Variants in DOCK10 observed in about 807,000 individuals in gnomAD.
The protein encoded by DOCK10 is dedicator of cytokinesis 10.
Under a neutral mutation model 280.1 loss-of-function variants are expected in DOCK10, and 145 were observed. The ratio of observed to expected loss-of-function variants is 0.52; its 90% CI spans 0.45 to 0.59. The LOEUF is 0.59. Ranked by LOEUF, DOCK10 falls within the 20% of genes least tolerant of loss-of-function variation. DOCK10 has a pLI of 0.00. For synonymous variants in DOCK10, 915 were observed against 942.2 expected (o/e 0.97, Z 0.53); for missense variants, 2,368 against 2,651.7 (o/e 0.89, Z 2.35).
chr2:224,785,078 C>T (rs74354988), intron 50 of DOCK10, among the ~76,000 whole-genome samples: 1,829 of 133,424 alleles, frequency 0.014, 36 homozygotes, highest in African/African-American at 0.041. Flanking sequence ...ATCCCCTTCC[C>T]GACTCATAGC....
chr2:224,961,035 G>A (rs1016791585), intron 1 of DOCK10, among the ~76,000 whole-genome samples: 1 of 152,156 alleles, frequency 6.6e-6, no homozygotes, highest in Non-Finnish European at 1.5e-5. Flanking sequence ...ACCGCGCCCG[G>A]CCCCCATCAC....
intron 1 of DOCK10, among the ~76,000 whole-genome samples, chr2:224,932,973 GA>G (rs11368078): frequency 0.022 from 3,265 of 151,014 alleles, 111 homozygotes; most frequent in African/African-American, 0.074. Flanking sequence ...TTCTACATTA[GA>G]AAAAAAAACC....
intron 1 of DOCK10, among the ~76,000 whole-genome samples, chr2:225,011,769 A>T (rs1367040625): frequency 6.6e-6 from 1 of 152,166 alleles, no homozygotes; most frequent in African/African-American, 2.4e-5. Context: ...TGCCACAGGC[A>T]TTATAAAATG....
At chr2:224,846,998 G>T (rs551969857) in intron 19 of DOCK10, among the ~76,000 whole-genome samples, 2 of 152,306 alleles carry the variant, frequency 1.3e-5, no homozygotes, top group South Asian at 2.1e-4. Flanking sequence ...GCATGGAATT[G>T]ATCTCTTTTT....
chr2:224,899,592 T>G (rs113940355), intron 3 of DOCK10, among the ~76,000 whole-genome samples: 1 of 152,126 alleles, frequency 6.6e-6, no homozygotes, highest in Non-Finnish European at 1.5e-5. Flanking sequence ...TTATATAGGC[T>G]GGTTAGCATG....
intron 53 of DOCK10, among the ~76,000 whole-genome samples, chr2:224,772,572 A>G (rs1298180583): frequency 1.3e-5 from 2 of 152,020 alleles, no homozygotes; most frequent in Non-Finnish European, 1.5e-5. Context: ...CTCTCCTTGC[A>G]TCTTCAGGTC....
intron 27 of DOCK10, among the ~76,000 whole-genome samples, chr2:224,828,508 C>T (rs984965527): frequency 2.0e-5 from 3 of 152,118 alleles, no homozygotes; most frequent in African/African-American, 7.2e-5. Flanking sequence ...CTGGAAGATC[C>T]ACCAGTGTAT....
chr2:224,849,165 G>A (rs577134567), intron 19 of DOCK10, among the ~76,000 whole-genome samples: 4 of 152,002 alleles, frequency 2.6e-5, no homozygotes, highest in Non-Finnish European at 5.9e-5. Context: ...TAGTAGAGAC[G>A]GGGTTTCACC....
chr2:224,874,375 T>C, intron 9 of DOCK10, 26 bp from the exon 10 acceptor site: 1 of 1,567,502 alleles, frequency 6.4e-7, no homozygotes, highest in African/African-American at 1.3e-5. Flanking sequence ...TGTTAGTCCT[T>C]GGTATCTAAA....
chr2:224,765,784 T>G lies in DOCK10; in HGVS notation c.6498A>C (p.Arg2166=). The G allele has an allele frequency of 6.2e-7, 1 of 1,613,900 alleles. No homozygotes were observed. Among genetic ancestry groups the G allele is most frequent in the Non-Finnish European group, 8.5e-7 (1 of 1,179,864 alleles). The change falls in exon 56 of 56, where the codon CGA becomes CGC. Residue 2166 remains arginine (R), a synonymous_variant. Transcript: ENST00000258390. ...GGGCCGGAGTTGCTTTGCTAATTAC[T>G]CGAGTGCAGGTTTGGTCCACTCCGC... is the stretch of plus-strand genomic sequence containing the variant. ...SKRGVDQTCT[R]VISKATPALP... is the part of the protein sequence containing the mutation.
intron 1 of DOCK10, among the ~76,000 whole-genome samples, chr2:224,998,673 C>T (rs1706343351): frequency 6.6e-6 from 1 of 152,202 alleles, no homozygotes; most frequent in Non-Finnish European, 1.5e-5. Flanking sequence ...CACCTTCCCT[C>T]ACTGGCAAAC....
chr2:224,807,590 G>GTT (rs1355839436), intron 33 of DOCK10, 78 bp downstream of exon 33: 2 of 946,116 alleles, frequency 2.1e-6, no homozygotes, highest in Non-Finnish European at 3.2e-6. Context: ...AGAAGAAATG[G>GTT]TTATCCAGGG....
intron 11 of DOCK10, among the ~76,000 whole-genome samples, chr2:224,867,075 TACAC>T (rs61496329): frequency 0.036 from 5,247 of 144,318 alleles, 113 homozygotes; most frequent in African/African-American, 0.048. Context: ...AGCTAAGAAA[TACAC>T]ACACACACAC....
intron 1 of DOCK10, among the ~76,000 whole-genome samples, chr2:224,938,303 C>T (rs1017509548): frequency 6.6e-6 from 1 of 152,124 alleles, no homozygotes; most frequent in Non-Finnish European, 1.5e-5. Context: ...ATATTCATAA[C>T]AGAATTAATC....
At position 224,773,196 on chromosome 2, in the gene DOCK10, G is replaced by C. The variant is rs1367936758; in HGVS notation, c.6165C>G (p.Ile2055Met). The C allele has an allele frequency of 6.2e-7, 1 of 1,613,820 alleles. No individual in the cohort carries two copies. Among genetic ancestry groups the C allele is most frequent in the South Asian group, 1.1e-5 (1 of 91,064 alleles). Residue 2055 changes from isoleucine to methionine, a missense_variant, in exon 53 of 56, where the codon ATC becomes ATG. By Grantham distance (10) the Ile-to-Met change is conservative. Transcript: ENST00000258390. ...TTCCTTGCAGTTTGAGCTGCAGTCT[G>C]ATCATGTCCACTTCTTCCATTGTGC... ...QLCTMEEVDM[I>M]RLQLKLQGSV...
chr2:224,893,539 T>C, intron 4 of DOCK10: 1 of 292,946 alleles, frequency 3.4e-6, no homozygotes, highest in South Asian at 3.2e-5. Flanking sequence ...TGCTGCTTTT[T>C]TCTTCTGGGA....
At chr2:224,814,128 A>T (rs75449940) in intron 31 of DOCK10, among the ~76,000 whole-genome samples, 192 bp downstream of exon 31, 6,180 of 152,300 alleles carry the variant, frequency 0.041, 357 homozygotes, top group African/African-American at 0.14. Context: ...ATAAAATACG[A>T]AAGAATTGAA....
intron 11 of DOCK10, among the ~76,000 whole-genome samples, chr2:224,867,109 A>ACACACAC (rs1559605159): frequency 5.3e-5 from 7 of 132,908 alleles, no homozygotes; most frequent in African/African-American, 2.0e-4. Flanking sequence ...CACACACACA[A>ACACACAC]AATTTATTTA....
chr2:224,882,210 G>A (rs1404593874), intron 7 of DOCK10, among the ~76,000 whole-genome samples: 1 of 152,192 alleles, frequency 6.6e-6, no homozygotes, highest in Non-Finnish European at 1.5e-5. Flanking sequence ...ATGAATGAAT[G>A]TGAGAATGAA....
Sources: gnomAD v4.1 joint callset for allele counts (sites outside exome capture counted in the v4.1 genomes callset) on GRCh38, gnomAD v4.1.1 for gene constraint, MANE v1.5 for transcripts, NCBI Gene and HGNC (gene_info 2026-07-23, HGNC 2026-07-21) for gene names.